Variants in ZFPM1 observed in about 807,000 individuals in gnomAD.
The protein encoded by ZFPM1 is zinc finger protein, FOG family member 1, also known as zinc finger protein ZFPM1.
Under a neutral mutation model 46.3 loss-of-function variants are expected in ZFPM1, and 28 were observed. That is an observed-to-expected ratio of 0.60 (90% confidence interval 0.45 to 0.83). The LOEUF is 0.83. ZFPM1 is among the 40% of genes least tolerant of loss of function. The pLI is 0.00. For missense variants in ZFPM1, 1,878 were observed against 1,432.4 expected (o/e 1.31, Z -5.02); for synonymous variants, 957 against 675.9 (o/e 1.42, Z -6.45).
At chr16:88,529,763 C>T (rs1003031353) in intron 6 of ZFPM1, among the ~76,000 whole-genome samples, 1 of 152,180 alleles carries the variant, frequency 6.6e-6, no homozygotes, top group Non-Finnish European at 1.5e-5. Flanking sequence ...GTGCAGAGGT[C>T]GCCATGACCC....
intron 1 of ZFPM1, among the ~76,000 whole-genome samples, chr16:88,467,193 C>T (rs1439203328): frequency 6.6e-6 from 1 of 152,258 alleles, no homozygotes; most frequent in East Asian, 1.9e-4. Context: ...TCCCTGTGAT[C>T]CAAGAGTCTA....
intron 1 of ZFPM1, among the ~76,000 whole-genome samples, chr16:88,458,368 C>G (rs945604687): frequency 6.6e-6 from 1 of 152,204 alleles, no homozygotes; most frequent in African/African-American, 2.4e-5. Context: ...GAGGCTCATC[C>G]GGGCCTTCCT....
chr16:88,486,617 C>T (rs1909240438), intron 2 of ZFPM1, among the ~76,000 whole-genome samples: 1 of 149,434 alleles, frequency 6.7e-6, no homozygotes, highest in Admixed American at 6.7e-5. Context: ...CAGATGGGTG[C>T]TGGGTGCACA....
At chr16:88,495,484 G>A (rs902084059) in intron 3 of ZFPM1, among the ~76,000 whole-genome samples, 3 of 152,222 alleles carry the variant, frequency 2.0e-5, no homozygotes, top group African/African-American at 4.8e-5. Context: ...CTGCCCACCT[G>A]TGCCAGTGCA....
At chr16:88,521,796 T>A (rs182098690) in intron 4 of ZFPM1, among the ~76,000 whole-genome samples, 1 of 91,226 alleles carries the variant, frequency 1.1e-5, no homozygotes, top group African/African-American at 4.7e-5. Context: ...TGCTGTTCCC[T>A]CCCCTGTGCT....
intron 3 of ZFPM1, among the ~76,000 whole-genome samples, chr16:88,491,584 G>T (rs959023006): frequency 3.9e-5 from 6 of 152,210 alleles, no homozygotes; most frequent in Non-Finnish European, 8.8e-5. Flanking sequence ...GCGGTGTTGA[G>T]AGGGGTTAGA....
chr16:88,483,338 C>T lies in ZFPM1; in HGVS notation c.41-2601C>T, dbSNP rs546547750. ...CCCAGGATGAGGGTCCCCTCCTCCC[C>T]GTGGCCTCTGAGGTCAGCACGGCCA... On this transcript the variant is annotated intron_variant, in intron 1 of 9. Transcript: ENST00000319555. Among the ~76,000 whole-genome samples the T allele has an allele frequency of 9.9e-5, 15 of 152,176 alleles. No individual in the cohort carries two copies. In the South Asian group the frequency reaches 2.1e-3, roughly 21 times the overall value.
chr16:88,476,200 C>G (rs550809394), intron 1 of ZFPM1, among the ~76,000 whole-genome samples: 2 of 152,072 alleles, frequency 1.3e-5, no homozygotes, highest in East Asian at 3.9e-4. Flanking sequence ...GACCCGAAGG[C>G]CCCTCGCGGG....
At chr16:88,524,448 G>A (rs1016435778) in intron 4 of ZFPM1, among the ~76,000 whole-genome samples, 4 of 152,200 alleles carry the variant, frequency 2.6e-5, no homozygotes, top group Non-Finnish European at 4.4e-5. Flanking sequence ...AATCACGGGG[G>A]TGTCCTTTAA....
Position 88,535,248 on chromosome 16 carries a change from A to C in ZFPM1, c.*269A>C. 3.3e-6 allele frequency: 1 copy of C among 304,704 alleles called. No individual in the cohort carries two copies. 18.9% of individuals were successfully genotyped at this position (304,704 alleles called of 1,614,324 possible). ...TCCAGCCCTGCTGTGTACACAGGCC[A>C]CTGCGGCCCGGAGTGGCTGGGCCCC... On this transcript the variant is annotated 3_prime_UTR_variant, in exon 10 of 10. Coordinates refer to ENST00000319555, the MANE Select transcript of ZFPM1 (RefSeq NM_153813.3).
rs75868157 is a variant in ZFPM1, at chr16:88,526,811, C to A, written c.403-3C>A. The A allele has an allele frequency of 4.0e-5, 61 of 1,535,510 alleles. No homozygotes were observed. The highest frequency in any genetic ancestry group is 4.9e-5 in the Non-Finnish European group (56 of 1,137,654). ...CCCACGTGTTCCTACCCTCCCCCCCCAGAGCCCAGCCCTGACCCTGCTGCT... is the reference window on the plus strand; with the variant it reads ...CCCACGTGTTCCTACCCTCCCCCCCAAGAGCCCAGCCCTGACCCTGCTGCT... On this transcript the variant is annotated splice_polypyrimidine_tract_variant and splice_region_variant and intron_variant, in intron 4 of 9. Transcript: ENST00000319555.
chr16:88,529,273 C>T (rs1912594504), intron 6 of ZFPM1, among the ~76,000 whole-genome samples: 1 of 152,192 alleles, frequency 6.6e-6, no homozygotes, highest in Non-Finnish European at 1.5e-5. Flanking sequence ...GGAACAGGGA[C>T]GGCACCGGAT....
intron 1 of ZFPM1, among the ~76,000 whole-genome samples, chr16:88,485,323 A>C (rs1440846315): frequency 6.6e-6 from 1 of 151,580 alleles, no homozygotes; most frequent in Non-Finnish European, 1.5e-5. Context: ...CTCTGGCAAG[A>C]GTGGAATCCG....
chr16:88,451,887 G>A (rs1907296374), upstream of ZFPM1, among the ~76,000 whole-genome samples: 1 of 151,974 alleles, frequency 6.6e-6, no homozygotes, highest in African/African-American at 2.4e-5. Context: ...ATCCAGTGTT[G>A]TACCCCTGCC....
intron 4 of ZFPM1, among the ~76,000 whole-genome samples, chr16:88,521,399 G>A (rs1292304755): frequency 2.6e-5 from 4 of 151,988 alleles, no homozygotes; most frequent in Non-Finnish European, 4.4e-5. Flanking sequence ...GGACTGCTCA[G>A]ACCCTGTGGT....
chr16:88,523,463 T>C (rs911756503), intron 4 of ZFPM1, among the ~76,000 whole-genome samples: 6 of 152,130 alleles, frequency 3.9e-5, no homozygotes, highest in Non-Finnish European at 2.9e-5. Context: ...GCTCCCAGGA[T>C]GGGCGGGTGG....
rs767236211 is a variant in ZFPM1 at position 88,533,768 on chromosome 16, C to T, written c.1810C>T (p.Arg604Cys). Residue 604 changes from arginine to cysteine, a missense_variant, in exon 10 of 10, where the codon CGT (arginine) becomes TGT (cysteine). Transcript: ENST00000319555. ...VHKRLYCSGR[R>C]APEDAPAARR... ...CAAGCGCCTCTACTGTTCAGGCCGC[C>T]GTGCGCCCGAGGACGCGCCTGCCGC... The T allele has an allele frequency of 1.4e-6, 2 of 1,383,370 alleles. No homozygotes were observed. Among genetic ancestry groups the T allele is most frequent in the South Asian group, 1.3e-5 (1 of 76,724 alleles). 85.7% of individuals were successfully genotyped at this position (1,383,370 alleles called of 1,614,324 possible). A position where few individuals can be genotyped will look rare whatever the true frequency, so the allele number is the denominator to read the frequency against.
intron 1 of ZFPM1, among the ~76,000 whole-genome samples, chr16:88,465,267 CAT>C (rs1294185487): frequency 5.9e-5 from 9 of 152,240 alleles, no homozygotes; most frequent in South Asian, 2.1e-4. Flanking sequence ...ACAGCAGAAA[CAT>C]GTCATAATGC....
intron 2 of ZFPM1, among the ~76,000 whole-genome samples, chr16:88,486,521 G>GGGTGCACAGTGGGTGCTA (rs1206173841): frequency 1.3e-5 from 2 of 151,356 alleles, no homozygotes; most frequent in African/African-American, 4.9e-5. Flanking sequence ...AGTGGGTGCT[G>GGGTGCACAGTGGGTGCTA]GGTGCACAGT....
Sources: allele counts gnomAD v4.1 joint callset (sites outside exome capture counted in the v4.1 genomes callset), GRCh38; gene constraint gnomAD v4.1.1; transcripts MANE v1.5; gene names NCBI Gene and HGNC (gene_info 2026-07-23, HGNC 2026-07-21).